The following MYO1H variants were observed in gnomAD, a reference collection of about 807,000 sequenced individuals.
MYO1H encodes myosin IH, also known as unconventional myosin-Ih.
MYO1H carries 118 observed loss-of-function variants against 149.3 expected under a neutral mutation model. That is an observed-to-expected ratio of 0.79 (90% confidence interval 0.68 to 0.92). MYO1H has a LOEUF of 0.92. Ranked by LOEUF, MYO1H falls within the 40% of genes least tolerant of loss-of-function variation. The pLI, the probability that MYO1H is intolerant of heterozygous loss-of-function variation, is 0.00. For missense variants in MYO1H, 1,212 were observed against 1,280.7 expected, an observed-to-expected ratio of 0.95 and a Z score of 0.82; for synonymous variants, 447 against 465.2, an observed-to-expected ratio of 0.96 and a Z score of 0.50.
chr12:109,399,451 G>A (rs1456728029), intron 5 of MYO1H, among the ~76,000 whole-genome samples: 1 of 151,840 alleles, frequency 6.6e-6, no homozygotes, highest in Non-Finnish European at 1.5e-5. Flanking sequence ...AATTAGCCGA[G>A]TGTGGTGGCG....
intron 3 of MYO1H, among the ~76,000 whole-genome samples, chr12:109,394,854 C>G (rs1416704397): frequency 1.3e-5 from 2 of 152,150 alleles, no homozygotes; most frequent in Non-Finnish European, 2.9e-5. Flanking sequence ...CTCCACCTCC[C>G]AGAGCTCAGG....
At chr12:109,397,785 A>G (rs11611358) in exon 5 of MYO1H, 468,918 of 1,608,356 alleles carry the variant, frequency 0.29, 72,016 homozygotes, top group Admixed American at 0.42. Flanking sequence ...GATTTGGGAA[A>G]TACATGGATA....
At chr12:109,403,418 GA>G (rs1870246972) in intron 6 of MYO1H, among the ~76,000 whole-genome samples, 4 of 152,152 alleles carry the variant, frequency 2.6e-5, no homozygotes, top group African/African-American at 4.8e-5. Flanking sequence ...CATTTGTCTA[GA>G]ATGTTTTCTC....
intron 15 of MYO1H, 33 bp downstream of exon 15, chr12:109,415,653 G>A (rs780401940): frequency 3.3e-6 from 5 of 1,497,918 alleles, no homozygotes; most frequent in Admixed American, 4.0e-5. Context: ...TGACAGCCAT[G>A]TATGTGCCCA....
At chr12:109,347,829 C>T, upstream of MYO1H, 1 of 397,720 alleles carries the variant, frequency 2.5e-6, no homozygotes, top group Admixed American at 4.4e-5. Context: ...CTTAGCTCCA[C>T]CCCGCAAGCT....
chr12:109,414,492 AAG>A (rs1454644249), intron 14 of MYO1H, among the ~76,000 whole-genome samples: 6,781 of 146,330 alleles, frequency 0.046, 161 homozygotes, highest in South Asian at 0.081. Flanking sequence ...AAAAAAAAAA[AAG>A]AAAGAAAAAA....
At chr12:109,411,843 C>T (rs1007574326) in intron 13 of MYO1H, 51 bp from the exon 14 acceptor site, 58 of 1,317,264 alleles carry the variant, frequency 4.4e-5, no homozygotes, top group Non-Finnish European at 5.8e-5. Flanking sequence ...TTAAACTTGG[C>T]ATTGATGGAG....
intron 1 of MYO1H, among the ~76,000 whole-genome samples, chr12:109,371,253 C>T (rs1338067350): frequency 7.5e-6 from 1 of 133,372 alleles, no homozygotes; most frequent in African/African-American, 2.8e-5. Context: ...TCTCACTCTG[C>T]TACCCAGGCT....
At chr12:109,397,341 T>A (rs181567979) in intron 4 of MYO1H, among the ~76,000 whole-genome samples, 164 of 152,262 alleles carry the variant, frequency 1.1e-3, no homozygotes, top group African/African-American at 3.8e-3. Context: ...AATGAAGATG[T>A]TTATAGTTGA....
intron 1 of MYO1H, chr12:109,359,476 A>AG (rs1272771076): frequency 6.6e-6 from 1 of 152,096 alleles, no homozygotes; most frequent in Non-Finnish European, 1.5e-5. Context: ...TTTGACCGTT[A>AG]ACCGCACAAT....
rs16940134 is a variant in MYO1H at position 109,351,501 on chromosome 12, A to G, written c.12+3529A>G. Reference sequence around the variant, plus strand: ...TGGTATCTGTTTAAAAGCCATCTAAAAGATTAGACATTGTGTCCAGAACTG... The same window carrying G: ...TGGTATCTGTTTAAAAGCCATCTAAGAGATTAGACATTGTGTCCAGAACTG... On this transcript the variant is annotated intron_variant, in intron 1 of 31. Transcript: ENST00000310903. Among the ~76,000 whole-genome samples, 1,443 of 152,310 alleles carry G rather than the reference A, an allele frequency of 9.5e-3. 22 individuals are homozygous for G. Among genetic ancestry groups the G allele is most frequent in the African/African-American group, 0.033 (1,356 of 41,572 alleles).
At chr12:109,396,170 G>A (rs573008266) in intron 3 of MYO1H, among the ~76,000 whole-genome samples, 7 of 152,076 alleles carry the variant, frequency 4.6e-5, no homozygotes, top group African/African-American at 7.2e-5. Context: ...TGATCCACCC[G>A]CCTCAGCTTC....
At chr12:109,384,439 GT>G (rs1869263850) in intron 1 of MYO1H, among the ~76,000 whole-genome samples, 1 of 151,996 alleles carries the variant, frequency 6.6e-6, no homozygotes, top group African/African-American at 2.4e-5. Flanking sequence ...CTCTTTATAA[GT>G]CTCTTAGTCA....
intron 15 of MYO1H, among the ~76,000 whole-genome samples, chr12:109,418,991 C>T (rs1408678989): frequency 6.6e-6 from 1 of 151,978 alleles, no homozygotes; most frequent in African/African-American, 2.4e-5. Context: ...GCAGATAATC[C>T]GTTTATTTTT....
At chr12:109,310,723 G>A in the MYO1H span, among the ~76,000 whole-genome samples, 3 of 152,122 alleles carry the variant, frequency 2.0e-5, no homozygotes, top group Non-Finnish European at 4.4e-5. Flanking sequence ...CTTGGCACTG[G>A]TCCATGTCCT....
the MYO1H span, among the ~76,000 whole-genome samples, chr12:109,326,237 C>A: frequency 6.6e-6 from 1 of 152,110 alleles, no homozygotes; most frequent in South Asian, 2.1e-4. Context: ...TTGCCCAGGG[C>A]CCCAGAAGTT....
upstream of MYO1H, chr12:109,347,806 C>T (rs773589490): frequency 1.4e-4 from 55 of 395,084 alleles, no homozygotes; most frequent in Admixed American, 4.0e-4. Context: ...TGCCTCCCAC[C>T]GTAAATTATT....
rs1243224450 is a variant in MYO1H, at chr12:109,388,909, T to C, written c.174+65T>C. The C allele has an allele frequency of 9.2e-6, 14 of 1,524,720 alleles. No homozygotes were observed. The Admixed American group carries it at 1.5e-4, about 17-fold the overall frequency. The allele number at this position is 1,524,720 out of a possible 1,614,324, so 94.4% of individuals were successfully genotyped here. On this transcript the variant is annotated intron_variant, in intron 2 of 31. Coordinates refer to ENST00000310903, the Ensembl canonical transcript of MYO1H. ...TGTTCCCTTCTTGCCTTCACGACTT[T>C]GATGAGTGTGAATAATAGCACTCTA...
At chr12:109,400,869 A>G (rs976930006) in intron 5 of MYO1H, among the ~76,000 whole-genome samples, 6 of 152,210 alleles carry the variant, frequency 3.9e-5, no homozygotes, top group Non-Finnish European at 8.8e-5. Flanking sequence ...CTTCTAGAAA[A>G]AGACATAGAA....
Sources: allele counts gnomAD v4.1 joint callset (sites outside exome capture counted in the v4.1 genomes callset), GRCh38; gene constraint gnomAD v4.1.1; transcripts MANE v1.5; gene names NCBI Gene and HGNC (gene_info 2026-07-23, HGNC 2026-07-21).